Variants in ARID2 observed in about 807,000 individuals in gnomAD.
ARID2 encodes the protein AT-rich interaction domain 2.
ARID2 carries 32 observed loss-of-function variants against 184.6 expected under a neutral mutation model. The ratio of observed to expected loss-of-function variants is 0.17; its 90% CI spans 0.13 to 0.23. The LOEUF is 0.23. ARID2 is among the 10% of genes least tolerant of loss of function. The pLI is 1.00. For synonymous variants in ARID2, 836 were observed against 772.6 expected (o/e 1.08, Z -1.36); for missense variants, 1,696 against 2,197.6 (o/e 0.77, Z 4.56).
intron 3 of ARID2, among the ~76,000 whole-genome samples, chr12:45,800,994 G>T (rs760610858): frequency 6.6e-6 from 1 of 152,086 alleles, no homozygotes; most frequent in Non-Finnish European, 1.5e-5. Flanking sequence ...ACTCACAGTC[G>T]AATGCCAACT....
Position 45,852,593 on chromosome 12 carries a change from A to G in ARID2, c.4470A>G (p.Gly1490=), listed in dbSNP as rs1592122006. Residue 1490 remains glycine (G), a synonymous_variant, in exon 15 of 21, where the codon GGA becomes GGG. Transcript: ENST00000334344. ...AAATCATAGCAGTTCCCGACTCAGG[A>G]TCAAAAGTATCCCATTCTCCTGCCC... ...GHQIIAVPDS[G]SKVSHSPALS... 6.2e-7 allele frequency: 1 copy of G among 1,614,168 alleles called. No individual in the cohort carries two copies. The highest frequency in any genetic ancestry group is 2.2e-5 in the East Asian group (1 of 44,892).
chr12:45,731,465 G>A lies in ARID2; in HGVS notation c.284+151G>A, dbSNP rs375128871. ...GAGACACATTTAATATAAATAAAGT[G>A]AGATTGTAGGAAGGTGAAAGTCTTC... On this transcript the variant is annotated intron_variant, in intron 3 of 20. Coordinates refer to ENST00000334344, the MANE Select transcript of ARID2 (RefSeq NM_152641.4). 3,203 of 592,478 alleles carry A rather than the reference G, an allele frequency of 5.4e-3. 155 individuals carry two copies. The South Asian group carries it at 0.064, about 12-fold the overall frequency. The allele number at this position is 592,478 out of a possible 1,614,324, so 36.7% of individuals were successfully genotyped here. A position where few individuals can be genotyped will look rare whatever the true frequency, so the allele number is the denominator to read the frequency against.
intron 6 of ARID2, among the ~76,000 whole-genome samples, chr12:45,827,495 CCT>C (rs1943025584): frequency 6.6e-6 from 1 of 152,110 alleles, no homozygotes; most frequent in South Asian, 2.1e-4. Flanking sequence ...CAAGGTCTCC[CCT>C]CTCAGCAAAT....
chr12:45,732,756 T>C (rs1378646594), intron 3 of ARID2, among the ~76,000 whole-genome samples: 2 of 152,194 alleles, frequency 1.3e-5, no homozygotes, highest in African/African-American at 4.8e-5. Context: ...TTTTGCTTCA[T>C]ATTTGTTAGA....
chr12:45,798,058 T>C (rs1942423241), intron 3 of ARID2, among the ~76,000 whole-genome samples: 1 of 152,172 alleles, frequency 6.6e-6, no homozygotes, highest in African/African-American at 2.4e-5. Context: ...TTTTATTACC[T>C]AGATAGAAAT....
chr12:45,903,812 T>C (rs75480655), intron 20 of ARID2, among the ~76,000 whole-genome samples: 3,234 of 152,206 alleles, frequency 0.021, 123 homozygotes, highest in African/African-American at 0.074. Flanking sequence ...GTTATTTTAA[T>C]GAAGGCACCA....
Position 45,837,429 on chromosome 12 carries a change from C to T in ARID2, c.1120+12C>T, listed in dbSNP as rs776986089. 1 of 1,610,168 alleles carries T rather than the reference C, an allele frequency of 6.2e-7. No homozygotes were observed. The highest frequency in any genetic ancestry group is 1.1e-5 in the South Asian group (1 of 90,666). ...TTTAAAGATGAGAGGTGAGTTTTCACTGAAGTATTTACTTTCTAAAGTAAA... is the reference window on the plus strand; with the variant it reads ...TTTAAAGATGAGAGGTGAGTTTTCATTGAAGTATTTACTTTCTAAAGTAAA... On this transcript the variant is annotated intron_variant, in intron 9 of 20. Transcript: ENST00000334344.
At chr12:45,882,400 A>G (rs1944120883) in intron 16 of ARID2, 1 of 152,176 alleles carries the variant, frequency 6.6e-6, no homozygotes, top group South Asian at 2.1e-4. Flanking sequence ...AATTACTGAA[A>G]ACAACAACAG....
At position 45,850,221 on chromosome 12, in the gene ARID2, G is replaced by T. The variant is rs1943520713; in HGVS notation, c.2098G>T (p.Val700Leu). Residue 700 changes from valine (V) to leucine (L), a missense_variant, in exon 15 of 21, where the codon GTG becomes TTG. Around this residue, in one of 11 missense-constraint regions of ARID2, gnomAD observed 713 missense variants for 824.4 expected, o/e 0.86. Transcript: ENST00000334344. The part of the protein sequence containing the change: ...PHTHQQQNAP[V>L]TVIQSKAPIP... ...TACCCACCAGCAACAAAATGCTCCA[G>T]TGACTGTCATTCAAAGTAAAGCTCC... 6.2e-7 allele frequency: 1 copy of T among 1,614,118 alleles called. No individual in the cohort carries two copies. Among genetic ancestry groups the T allele is most frequent in the African/African-American group, 1.3e-5 (1 of 75,034 alleles).
intron 18 of ARID2, among the ~76,000 whole-genome samples, chr12:45,892,903 T>C (rs955180634): frequency 2.0e-5 from 3 of 152,190 alleles, no homozygotes; most frequent in Non-Finnish European, 4.4e-5. Flanking sequence ...ATTTAAGATA[T>C]GTAAGTAATA....
At chr12:45,838,796 T>TA (rs1167864920) in intron 10 of ARID2, among the ~76,000 whole-genome samples, 1 of 151,328 alleles carries the variant, frequency 6.6e-6, no homozygotes, top group Non-Finnish European at 1.5e-5. Flanking sequence ...TAGATAGATA[T>TA]AGATATAGAT....
intron 16 of ARID2, among the ~76,000 whole-genome samples, chr12:45,876,002 G>T (rs140008868): frequency 1.3e-3 from 196 of 152,318 alleles, no homozygotes; most frequent in African/African-American, 4.2e-3. Context: ...TACATTCACA[G>T]CTTGGCTGTT....
At chr12:45,733,564 C>T (rs1278095442) in intron 3 of ARID2, among the ~76,000 whole-genome samples, 1 of 152,108 alleles carries the variant, frequency 6.6e-6, no homozygotes, top group African/African-American at 2.4e-5. Flanking sequence ...TTCATTTGAC[C>T]TATTGTAAGA....
intron 16 of ARID2, among the ~76,000 whole-genome samples, chr12:45,889,758 C>T (rs1008192700): frequency 7.2e-5 from 11 of 152,160 alleles, no homozygotes; most frequent in African/African-American, 1.7e-4. Context: ...GCCAACATGG[C>T]GAAACCCCGT....
intron 11 of ARID2, chr12:45,839,698 G>A: frequency 2.2e-6 from 1 of 461,126 alleles, no homozygotes; most frequent in Non-Finnish European, 3.7e-6. Flanking sequence ...AGGAAGAATA[G>A]TATAATAGGA....
chr12:45,739,113 T>G (rs1364096277), intron 3 of ARID2, among the ~76,000 whole-genome samples: 1 of 151,980 alleles, frequency 6.6e-6, no homozygotes, highest in African/African-American at 2.4e-5. Flanking sequence ...GGATGATAGG[T>G]GCCCGCCACC....
intron 3 of ARID2, among the ~76,000 whole-genome samples, chr12:45,796,442 C>T (rs1252591256): frequency 6.6e-6 from 1 of 152,090 alleles, no homozygotes; most frequent in Non-Finnish European, 1.5e-5. Flanking sequence ...ATCTTTGAAA[C>T]TATATGTCAT....
At chr12:45,757,535 T>A (rs1318857836) in intron 3 of ARID2, among the ~76,000 whole-genome samples, 1 of 152,200 alleles carries the variant, frequency 6.6e-6, no homozygotes, top group Non-Finnish European at 1.5e-5. Context: ...TGAAAGCCCA[T>A]TGCCCTTCTA....
chr12:45,801,675 A>G (rs1351570369), intron 3 of ARID2, among the ~76,000 whole-genome samples: 1 of 152,158 alleles, frequency 6.6e-6, no homozygotes, highest in Non-Finnish European at 1.5e-5. Context: ...ATAAACCCGA[A>G]TTGCAGGACA....
Sources: allele counts gnomAD v4.1 joint callset (sites outside exome capture counted in the v4.1 genomes callset), GRCh38; gene constraint gnomAD v4.1.1; regional missense constraint gnomAD v4.1.1; transcripts MANE v1.5; gene names NCBI Gene and HGNC (gene_info 2026-07-23, HGNC 2026-07-21).